PARP1: variants seen among roughly 807,000 people sequenced by gnomAD.
PARP1 encodes the protein poly(ADP-ribose) polymerase 1.
Under a neutral mutation model 118.7 loss-of-function variants are expected in PARP1, and 44 were observed. The observed-to-expected ratio is 0.37, with a 90% CI of 0.29 to 0.48. The LOEUF is 0.48. Among genes scored for constraint, PARP1 ranks in the 20% least tolerant of loss-of-function variants. PARP1 has a pLI of 0.99. For synonymous variants in PARP1, 492 were observed against 483.2 expected, an observed-to-expected ratio of 1.02 and a Z score of -0.24; for missense variants, 1,100 against 1,272.4, an observed-to-expected ratio of 0.86 and a Z score of 2.06.
intron 20 of PARP1, 143 bp downstream of exon 20, chr1:226,363,800 A>G (rs952762691): frequency 5.8e-6 from 5 of 858,660 alleles, no homozygotes; most frequent in Middle Eastern, 6.9e-4. Context: ...GGATTCTGCT[A>G]CTTATAAGAA....
At chr1:226,393,044 A>G in intron 2 of PARP1, 1 of 1,409,994 alleles carries the variant, frequency 7.1e-7, no homozygotes, top group South Asian at 1.4e-5. Context: ...TAGTAAGTAA[A>G]GCCATCTCTA....
At position 226,380,092 on chromosome 1, in the gene PARP1, A is replaced by T; in HGVS notation, c.1373T>A (p.Phe458Tyr). The T allele has an allele frequency of 1.2e-6, 2 of 1,614,206 alleles. No homozygotes were observed. The highest frequency in any genetic ancestry group is 1.7e-6 in the Non-Finnish European group (2 of 1,180,044). ...GGTGGAGGCGGAGACGTCCTGGAGG[A>T]AGTCCTCAGACACAACTCGGATGTT... ...EANIRVVSEDFLQDVSASTKS... is the reference protein window; with the variant it reads ...EANIRVVSEDYLQDVSASTKS... The change falls in exon 10 of 23, where the codon TTC (phenylalanine) becomes TAC (tyrosine). Residue 458 changes from phenylalanine (F) to tyrosine (Y), a missense_variant. Phe to Tyr is a conservative substitution (Grantham distance 22). Coordinates refer to ENST00000366794, the MANE Select transcript of PARP1 (RefSeq NM_001618.4).
Position 226,377,317 on chromosome 1 carries a change from G to A in PARP1, c.1746-14C>T. On this transcript the variant is annotated splice_polypyrimidine_tract_variant and intron_variant, in intron 12 of 22. Transcript: ENST00000366794. ...AATATCCAATACCTGCAGTGGGAAG[G>A]AGGGTGTCAGATACACATGTGTGGG... 4 of 1,606,016 alleles carry A rather than the reference G, an allele frequency of 2.5e-6. No individual in the cohort carries two copies. The highest frequency in any genetic ancestry group is 3.4e-6 in the Non-Finnish European group (4 of 1,172,704).
chr1:226,388,276 C>T (rs1664752222), intron 5 of PARP1, among the ~76,000 whole-genome samples: 2 of 152,192 alleles, frequency 1.3e-5, no homozygotes, highest in Admixed American at 1.3e-4. Context: ...GAATCTTTGG[C>T]ATCCTCTAAG....
intron 15 of PARP1, among the ~76,000 whole-genome samples, 185 bp from the exon 16 acceptor site, chr1:226,368,506 C>T (rs74469296): frequency 4.6e-5 from 7 of 152,308 alleles, no homozygotes; most frequent in African/African-American, 1.7e-4. Context: ...GCAGGACCCC[C>T]ATCCTCTAAA....
chr1:226,361,893 A>G (rs56292734), intron 22 of PARP1, 76 bp downstream of exon 22: 922 of 885,908 alleles, frequency 1.0e-3, no homozygotes, highest in Non-Finnish European at 1.6e-3. Flanking sequence ...GCCCCAGGTA[A>G]TCTGACAGCA....
intron 7 of PARP1, among the ~76,000 whole-genome samples, chr1:226,385,137 A>T (rs1410640102): frequency 1.3e-5 from 2 of 152,178 alleles, no homozygotes; most frequent in Non-Finnish European, 2.9e-5. Flanking sequence ...AAGGCAAGGA[A>T]ATGTCCTTGA....
chr1:226,370,209 T>C (rs1664352368), intron 15 of PARP1, among the ~76,000 whole-genome samples: 1 of 152,188 alleles, frequency 6.6e-6, no homozygotes. Context: ...ACTAAGTATC[T>C]GACAACTGAA....
chr1:226,377,425 G>T (rs1049912111), intron 12 of PARP1, 122 bp from the exon 13 acceptor site: 1 of 747,062 alleles, frequency 1.3e-6, no homozygotes, highest in African/African-American at 1.7e-5. Context: ...AAAGGATGGT[G>T]ATTAACACAG....
chr1:226,377,722 T>C (rs918250524), intron 12 of PARP1, among the ~76,000 whole-genome samples: 1 of 152,016 alleles, frequency 6.6e-6, no homozygotes, highest in African/African-American at 2.4e-5. Flanking sequence ...GGCCAAGACA[T>C]GATGAAATGA....
At chr1:226,379,692 G>T in intron 10 of PARP1, 51 bp from the exon 11 acceptor site, 1 of 1,469,194 alleles carries the variant, frequency 6.8e-7, no homozygotes, top group Non-Finnish European at 9.5e-7. Context: ...TAACTAAAAA[G>T]TAAGGGGAAG....
chr1:226,404,144 T>C (rs574482644), intron 1 of PARP1, among the ~76,000 whole-genome samples: 2 of 142,100 alleles, frequency 1.4e-5, no homozygotes, highest in East Asian at 2.1e-4. Flanking sequence ...GATTATTTCA[T>C]AAGGGCCTAT....
At chr1:226,366,315 A>G (rs1302446635) in intron 17 of PARP1, 11 of 433,196 alleles carry the variant, frequency 2.5e-5, no homozygotes, top group Non-Finnish European at 3.5e-5. Flanking sequence ...ATGTTTTGGG[A>G]TATCAGGGAA....
At chr1:226,393,510 CA>C (rs1664857697) in intron 2 of PARP1, among the ~76,000 whole-genome samples, 1 of 152,166 alleles carries the variant, frequency 6.6e-6, no homozygotes, top group Non-Finnish European at 1.5e-5. Context: ...TGGATATATC[CA>C]AACAAAGCAC....
chr1:226,377,325 C>T (rs748886418), intron 12 of PARP1, 22 bp from the exon 13 acceptor site: 4 of 1,592,032 alleles, frequency 2.5e-6, no homozygotes, highest in Non-Finnish European at 2.6e-6. Flanking sequence ...AGGAGGGTGT[C>T]AGATACACAT....
Position 226,377,286 on chromosome 1 carries a change from G to C in PARP1, c.1763C>G (p.Ser588Cys). 6.2e-7 allele frequency: 1 copy of C among 1,613,880 alleles called. No homozygotes were observed. Among genetic ancestry groups the C allele is most frequent in the Non-Finnish European group, 8.5e-7 (1 of 1,179,836 alleles). ...DKENRYWIFR[S>C]WGRVGTVIGS... ...GATCACCGTACCCACACGGCCCCAG[G>C]ACCTGAATATCCAATACCTGCAGTG... Residue 588 changes from serine (S) to cysteine (C), a missense_variant, in exon 13 of 23, where the codon TCC becomes TGC. Physicochemically the swap from Ser to Cys is moderately radical, Grantham distance 112. This residue lies in a region of PARP1 where 948 missense variants were observed against 1,031.8 expected (regional missense o/e 0.92). Coordinates refer to ENST00000366794, the MANE Select transcript of PARP1 (RefSeq NM_001618.4).
intron 12 of PARP1, 32 bp from the exon 13 acceptor site, chr1:226,377,335 T>C (rs1664512194): frequency 1.9e-6 from 3 of 1,557,264 alleles, no homozygotes; most frequent in South Asian, 2.2e-5. Context: ...CAGATACACA[T>C]GTGTGGGTCA....
At chr1:226,392,713 T>A in intron 2 of PARP1, 1 of 550,426 alleles carries the variant, frequency 1.8e-6, no homozygotes, top group African/African-American at 1.9e-5. Flanking sequence ...TACCAAAGTG[T>A]TGAATTAAAG....
intron 15 of PARP1, among the ~76,000 whole-genome samples, chr1:226,369,386 G>C (rs760542378): frequency 6.6e-6 from 1 of 152,198 alleles, no homozygotes; most frequent in Non-Finnish European, 1.5e-5. Flanking sequence ...TAGCTGGAAG[G>C]CTCCGGGACT....
Sources: allele counts gnomAD v4.1 joint callset (sites outside exome capture counted in the v4.1 genomes callset), GRCh38; gene constraint gnomAD v4.1.1; regional missense constraint gnomAD v4.1.1; transcripts MANE v1.5; gene names NCBI Gene and HGNC (gene_info 2026-07-23, HGNC 2026-07-21).